SMARCA5: variants seen among roughly 807,000 people sequenced by gnomAD.
SMARCA5 encodes SWI/SNF-related matrix-associated actin-dependent regulator of chromatin subfamily A member 5.
A neutral mutation model predicts 140.4 loss-of-function variants in SMARCA5; 18 were observed. The observed-to-expected ratio is 0.13, with a 90% confidence interval of 0.09 to 0.19. The LOEUF (loss-of-function observed/expected upper bound fraction) is 0.19, where lower values mean the gene tolerates loss of function less well. Among genes scored for constraint, SMARCA5 ranks in the 10% least tolerant of loss-of-function variants. SMARCA5 has a pLI of 1.00. For synonymous variants in SMARCA5, 449 were observed against 419.6 expected (o/e 1.07, Z -0.86); for missense variants, 606 against 1,276.8 (o/e 0.47, Z 8.01).
intron 2 of SMARCA5, among the ~76,000 whole-genome samples, chr4:143,518,482 T>C (rs899042444): frequency 2.0e-5 from 3 of 152,200 alleles, no homozygotes; most frequent in African/African-American, 7.2e-5. Context: ...TCTTTCTTTC[T>C]GTCTTCAGTA....
At position 143,525,045 on chromosome 4, in the gene SMARCA5, C is replaced by CT. The variant is rs57339802; in HGVS notation, c.521-390dup. Among the ~76,000 whole-genome samples the CT allele has an allele frequency of 4.7e-3, 652 of 137,622 alleles. 2 individuals are homozygous for CT. Among genetic ancestry groups the CT allele is most frequent in the Middle Eastern group, 0.011 (3 of 268 alleles). The allele number at this position is 137,622 out of a possible 152,430, so 90.3% of individuals were successfully genotyped here. On this transcript the variant is annotated intron_variant, in intron 4 of 23. Transcript: ENST00000283131. ...CAAGTAACTTAGGAATTTCCTATTT[C>CT]TTTTTTTTTTTTTTTTACTAGAAAG... is the stretch of plus-strand genomic sequence containing the variant.
At chr4:143,522,060 A>G (rs1414022869) in intron 3 of SMARCA5, among the ~76,000 whole-genome samples, 3 of 152,182 alleles carry the variant, frequency 2.0e-5, no homozygotes, top group Admixed American at 2.0e-4. Flanking sequence ...GTTTAACATC[A>G]CATTGAAGAA....
rs1414638444 is a variant in SMARCA5, at chr4:143,553,470, A to G, written c.*286A>G. On this transcript the variant is annotated 3_prime_UTR_variant, in exon 24 of 24. Transcript: ENST00000283131. ...TGTAGTTCCATTTGTGAAGATTGTG[A>G]CTTTTTGTTTATTAGCTATAATTTC... 7.6e-6 allele frequency: 2 copies of G among 262,094 alleles called. No individual in the cohort carries two copies. The highest frequency in any genetic ancestry group is 1.5e-4 in the East Asian group (2 of 13,592). 16.2% of individuals were successfully genotyped at this position (262,094 alleles called of 1,614,324 possible). A position where few individuals can be genotyped will look rare whatever the true frequency, so the allele number is the denominator to read the frequency against.
In SMARCA5 at chr4:143,528,655, T is replaced by C; in HGVS notation, c.1030T>C (p.Leu344=). 6.2e-7 allele frequency: 1 copy of C among 1,613,836 alleles called. No individual in the cohort carries two copies. The highest frequency in any genetic ancestry group is 1.1e-5 in the South Asian group (1 of 91,046). ...AACTGGAACACCTCTTCAGAACAACTTGCATGAGCTGTGGTCACTTCTTAA... is the reference window on the plus strand; with the variant it reads ...AACTGGAACACCTCTTCAGAACAACCTGCATGAGCTGTGGTCACTTCTTAA... The part of the protein sequence containing the change: ...LLTGTPLQNN[L]HELWSLLNFL... The change falls in exon 8 of 24, where the codon TTG becomes CTG. Residue 344 remains leucine, a synonymous_variant. Transcript: ENST00000283131.
intron 17 of SMARCA5, 137 bp downstream of exon 17, chr4:143,544,984 G>C (rs1237551446): frequency 1.9e-6 from 1 of 514,814 alleles, no homozygotes; most frequent in African/African-American, 2.3e-5. Flanking sequence ...GTCTCACTCT[G>C]TTACCAGGAG....
At chr4:143,523,716 G>A (rs374148706) in intron 3 of SMARCA5, among the ~76,000 whole-genome samples, 27 of 152,238 alleles carry the variant, frequency 1.8e-4, no homozygotes, top group African/African-American at 5.8e-4. Context: ...TAGATTCAGC[G>A]GTCTCAACAG....
At chr4:143,544,039 T>A (rs1410356660) in intron 16 of SMARCA5, 67 bp downstream of exon 16, 1 of 1,232,240 alleles carries the variant, frequency 8.1e-7, no homozygotes, top group African/African-American at 1.5e-5. Flanking sequence ...ATTTTAAGTG[T>A]TACTGTAATG....
chr4:143,553,266 C>CCTG lies in SMARCA5; in HGVS notation c.*82_*83insCTG. The CCTG allele has an allele frequency of 1.1e-6, 1 of 916,180 alleles. No homozygotes were observed. Among genetic ancestry groups the CCTG allele is most frequent in the Non-Finnish European group, 1.8e-6 (1 of 552,940 alleles). The allele number at this position is 916,180 out of a possible 1,614,324, so 56.8% of individuals were successfully genotyped here. A position where few individuals can be genotyped will look rare whatever the true frequency, so the allele number is the denominator to read the frequency against. Reference sequence around the variant, plus strand: ...TCTTCATAAGATGTACTGTACAATGCTCAATTGTTATGTCATTTAAAGACA... The same window carrying CCTG: ...TCTTCATAAGATGTACTGTACAATGCCTGTCAATTGTTATGTCATTTAAAGACA... On this transcript the variant is annotated 3_prime_UTR_variant, in exon 24 of 24. Transcript: ENST00000283131.
Position 143,555,216 on chromosome 4 carries a change from A to G in SMARCA5, c.*2032A>G, listed in dbSNP as rs1737723147. 2.5e-6 allele frequency: 2 copies of G among 813,112 alleles called. No individual in the cohort carries two copies. Among genetic ancestry groups the G allele is most frequent in the Non-Finnish European group, 4.2e-6 (2 of 471,136 alleles). 50.4% of individuals were successfully genotyped at this position (813,112 alleles called of 1,614,324 possible). ...TGGCCTCTACCACCATAGGGCCCAG[A>G]GCTTCTGCCTCCAAAGTTTCCTCCC... On this transcript the variant is annotated 3_prime_UTR_variant, in exon 24 of 24. Transcript: ENST00000283131.
intron 6 of SMARCA5, 117 bp from the exon 7 acceptor site, chr4:143,527,751 C>G: frequency 2.6e-6 from 2 of 779,550 alleles, no homozygotes; most frequent in Admixed American, 5.9e-5. Context: ...ATATAGCTAG[C>G]TACTCTACTC....
At chr4:143,552,483 G>A (rs531739774) in intron 23 of SMARCA5, among the ~76,000 whole-genome samples, 1 of 152,142 alleles carries the variant, frequency 6.6e-6, no homozygotes, top group African/African-American at 2.4e-5. Context: ...ACTTCTTGAT[G>A]ATATGGTAGT....
Position 143,538,596 on chromosome 4 carries a change from G to A in SMARCA5, c.1502G>A (p.Arg501Gln). The A allele has an allele frequency of 6.2e-7, 1 of 1,612,592 alleles. No individual in the cohort carries two copies. The highest frequency in any genetic ancestry group is 8.5e-7 in the Non-Finnish European group (1 of 1,178,872). ...TTGTTATATTCCCCAACAGGTTCAC[G>A]AGTACTAATCTTCAGTCAAATGACA... ...LLPKLKEQGS[R>Q]VLIFSQMTRV... Residue 501 changes from arginine to glutamine, a missense_variant, in exon 12 of 24, where the codon CGA becomes CAA. Transcript: ENST00000283131.
chr4:143,556,323 G>A lies in SMARCA5; in HGVS notation c.*3139G>A, dbSNP rs907059619. 1.3e-5 allele frequency: 2 copies of A among 151,964 alleles called. No homozygotes were observed. Among genetic ancestry groups the A allele is most frequent in the Admixed American group, 6.6e-5 (1 of 15,254 alleles). The allele number at this position is 151,964 out of a possible 1,614,324, so 9.4% of individuals were successfully genotyped here. A position where few individuals can be genotyped will look rare whatever the true frequency, so the allele number is the denominator to read the frequency against. ...TTGGCTTAGTACCTTTCTTAATCTCGATCTTAAAAAGCATTGTAAAACACC... is the reference window on the plus strand; with the variant it reads ...TTGGCTTAGTACCTTTCTTAATCTCAATCTTAAAAAGCATTGTAAAACACC... On this transcript the variant is annotated 3_prime_UTR_variant, in exon 24 of 24. Coordinates refer to ENST00000283131, the MANE Select transcript of SMARCA5 (RefSeq NM_003601.4).
chr4:143,540,616 A>C, intron 14 of SMARCA5, 121 bp downstream of exon 14: 2 of 881,268 alleles, frequency 2.3e-6, no homozygotes, highest in Middle Eastern at 2.5e-4. Flanking sequence ...CAGCCAGTAG[A>C]GATGACTTGT....
intron 9 of SMARCA5, among the ~76,000 whole-genome samples, chr4:143,532,579 G>C (rs1042052100): frequency 3.2e-4 from 49 of 152,140 alleles, no homozygotes; most frequent in African/African-American, 1.0e-3. Flanking sequence ...GTCTTATAAT[G>C]AAAGGAGGGT....
At chr4:143,517,483 T>A in intron 2 of SMARCA5, 54 bp downstream of exon 2, 1 of 1,054,774 alleles carries the variant, frequency 9.5e-7, no homozygotes, top group East Asian at 2.6e-5. Context: ...TATCAGGTGA[T>A]TAAATGTACT....
intron 6 of SMARCA5, among the ~76,000 whole-genome samples, chr4:143,527,403 T>G (rs545962183): frequency 6.6e-6 from 1 of 152,326 alleles, no homozygotes; most frequent in East Asian, 1.9e-4. Flanking sequence ...GAGTGGTAAT[T>G]ACTTAACCAG....
rs1441655275 is a variant in SMARCA5, at chr4:143,550,054, C to T, written c.3043C>T (p.Leu1015=). Residue 1015 remains leucine (L), a synonymous_variant, in exon 23 of 24, where the codon CTA becomes TTA. Coordinates refer to ENST00000283131, the MANE Select transcript of SMARCA5 (RefSeq NM_003601.4). ...TTTGATTGAAAGAGAAAACATGGAA[C>T]TAGAAGAAAAGGAGAAGGCAGAGAA... ...ITLIERENME[L]EEKEKAEKKK... The T allele has an allele frequency of 2.5e-6, 4 of 1,591,746 alleles. No individual in the cohort carries two copies. The highest frequency in any genetic ancestry group is 1.8e-5 in the Admixed American group (1 of 54,238).
intron 13 of SMARCA5, among the ~76,000 whole-genome samples, chr4:143,539,536 T>A (rs950521364): frequency 2.9e-5 from 2 of 68,072 alleles, no homozygotes; most frequent in African/African-American, 6.2e-5. Flanking sequence ...TTAGTCACTT[T>A]CTTTTTTTTT....
Sources: gnomAD v4.1 joint callset for allele counts (sites outside exome capture counted in the v4.1 genomes callset) on GRCh38, gnomAD v4.1.1 for gene constraint, MANE v1.5 for transcripts, NCBI Gene and HGNC (gene_info 2026-07-23, HGNC 2026-07-21) for gene names.